CABCOCO1: variants seen among roughly 807,000 people sequenced by gnomAD.
The protein encoded by CABCOCO1 is ciliary associated calcium binding coiled-coil 1.
Under a neutral mutation model 35.7 loss-of-function variants are expected in CABCOCO1, and 28 were observed. That is an observed-to-expected ratio of 0.78 (90% CI 0.58 to 1.07). The LOEUF (loss-of-function observed/expected upper bound fraction) is 1.07, where lower values mean the gene tolerates loss of function less well. Ranked by LOEUF, CABCOCO1 falls within the 50% of genes least tolerant of loss-of-function variation. The pLI, the probability that CABCOCO1 is intolerant of heterozygous loss-of-function variation, is 0.00. For synonymous variants in CABCOCO1, 95 were observed against 100.1 expected, an observed-to-expected ratio of 0.95 and a Z score of 0.30; for missense variants, 326 against 309.2, an observed-to-expected ratio of 1.05 and a Z score of -0.41.
chr10:61,705,038 G>A (rs1241175965), intron 5 of CABCOCO1, among the ~76,000 whole-genome samples: 2 of 152,060 alleles, frequency 1.3e-5, no homozygotes, highest in Admixed American at 6.6e-5. Flanking sequence ...CTTTTGACTT[G>A]TGCAAACAAA....
intron 5 of CABCOCO1, among the ~76,000 whole-genome samples, chr10:61,707,360 T>A (rs1285289276): frequency 6.6e-6 from 1 of 152,152 alleles, no homozygotes; most frequent in East Asian, 1.9e-4. Flanking sequence ...TACAGTCAAT[T>A]AGGTTGTTGT....
Position 61,687,369 on chromosome 10 carries a change from C to G in CABCOCO1, c.479+1184C>G, listed in dbSNP as rs180847376. 7.2e-5 allele frequency among the ~76,000 whole-genome samples: 11 copies of G among 152,280 alleles called. No homozygotes were observed. In the East Asian group the frequency reaches 1.9e-3, roughly 27 times the overall value. On this transcript the variant is annotated intron_variant, in intron 4 of 7. Transcript: ENST00000648843. ...TATTCCTCAAGGTCTTTCTACCCAT[C>G]AGGGTTTGAGAATCACTGGGCAGAG... is the stretch of plus-strand genomic sequence containing the variant.
chr10:61,663,149 A>G (rs957852221), intron 1 of CABCOCO1, 117 bp downstream of exon 1: 13 of 207,788 alleles, frequency 6.3e-5, no homozygotes, highest in Non-Finnish European at 9.0e-5. Context: ...GAGGCGCCGC[A>G]CGTCTGGCCC....
chr10:61,725,401 C>T (rs1841122145), intron 5 of CABCOCO1, among the ~76,000 whole-genome samples: 1 of 152,126 alleles, frequency 6.6e-6, no homozygotes, highest in Admixed American at 6.5e-5. Flanking sequence ...AAATGTGGCG[C>T]ATATACACCA....
chr10:61,732,260 C>T (rs981947636), intron 5 of CABCOCO1, among the ~76,000 whole-genome samples: 2 of 151,992 alleles, frequency 1.3e-5, no homozygotes, highest in African/African-American at 4.8e-5. Flanking sequence ...ATTTTAATTA[C>T]TAACAAATTT....
intron 5 of CABCOCO1, among the ~76,000 whole-genome samples, chr10:61,698,638 T>G (rs1589128787): frequency 6.6e-6 from 1 of 152,154 alleles, no homozygotes; most frequent in Non-Finnish European, 1.5e-5. Flanking sequence ...TGAGCACTTA[T>G]TCCTATAGCA....
rs370169910 is a variant in CABCOCO1 at position 61,727,460 on chromosome 10, G to A, written c.553-32599G>A. Among the ~76,000 whole-genome samples the A allele has an allele frequency of 8.3e-4, 127 of 152,210 alleles. 1 individual carries two copies. The South Asian group carries it at 0.025, about 31-fold the overall frequency. On this transcript the variant is annotated intron_variant, in intron 5 of 7. Transcript: ENST00000648843. Reference sequence around the variant, plus strand: ...AGTTAATTAAAATGCATCTGAAAGAGCTCTAGAGTTCAAAGAATGTATAAT... The same window carrying A: ...AGTTAATTAAAATGCATCTGAAAGAACTCTAGAGTTCAAAGAATGTATAAT...
At chr10:61,718,293 T>C (rs1160276001) in intron 5 of CABCOCO1, among the ~76,000 whole-genome samples, 1 of 152,142 alleles carries the variant, frequency 6.6e-6, no homozygotes, top group Non-Finnish European at 1.5e-5. Flanking sequence ...TGTATGTAGG[T>C]GTTTTAATTT....
At chr10:61,741,924 T>G (rs560747114) in intron 5 of CABCOCO1, among the ~76,000 whole-genome samples, 1 of 152,366 alleles carries the variant, frequency 6.6e-6, no homozygotes, top group Non-Finnish European at 1.5e-5. Flanking sequence ...TTTTATGTAC[T>G]GATTTAGCTT....
intron 5 of CABCOCO1, among the ~76,000 whole-genome samples, chr10:61,734,579 T>C (rs1165026222): frequency 1.3e-5 from 2 of 152,086 alleles, no homozygotes; most frequent in Non-Finnish European, 2.9e-5. Context: ...GCATTTTATG[T>C]CAACAAGAAA....
intron 5 of CABCOCO1, among the ~76,000 whole-genome samples, chr10:61,738,313 A>G (rs1317193417): frequency 6.6e-6 from 1 of 152,190 alleles, no homozygotes; most frequent in Non-Finnish European, 1.5e-5. Context: ...TAGATCCCAT[A>G]AGATTTTGTG....
At chr10:61,679,229 G>A (rs1839620715) in intron 2 of CABCOCO1, among the ~76,000 whole-genome samples, 1 of 152,004 alleles carries the variant, frequency 6.6e-6, no homozygotes, top group African/African-American at 2.4e-5. Context: ...AACCAGAAGG[G>A]CAGGAGAAAA....
chr10:61,765,618 T>C (rs1589161478), intron 7 of CABCOCO1, among the ~76,000 whole-genome samples: 1 of 152,230 alleles, frequency 6.6e-6, no homozygotes, highest in African/African-American at 2.4e-5. Context: ...GCAGTTATTC[T>C]GATTCAGTGC....
intron 5 of CABCOCO1, among the ~76,000 whole-genome samples, chr10:61,754,955 T>G (rs1196675513): frequency 6.6e-6 from 1 of 152,092 alleles, no homozygotes; most frequent in African/African-American, 2.4e-5. Context: ...AAAATGTAAA[T>G]ACTGCATATT....
intron 2 of CABCOCO1, among the ~76,000 whole-genome samples, chr10:61,674,889 T>G (rs192335183): frequency 6.6e-6 from 1 of 152,124 alleles, no homozygotes; most frequent in East Asian, 1.9e-4. Flanking sequence ...CAATTTTTTT[T>G]AAAAAAGAAT....
chr10:61,682,804 C>T (rs1439148128), intron 3 of CABCOCO1, among the ~76,000 whole-genome samples: 9 of 151,322 alleles, frequency 5.9e-5, no homozygotes, highest in Admixed American at 3.3e-4. Flanking sequence ...TTCTTGAATA[C>T]GACATCAAAT....
At chr10:61,709,239 G>C (rs953532989) in intron 5 of CABCOCO1, among the ~76,000 whole-genome samples, 1 of 151,996 alleles carries the variant, frequency 6.6e-6, no homozygotes, top group Non-Finnish European at 1.5e-5. Flanking sequence ...CTCAAAAGAG[G>C]CTCCCCAAAT....
At chr10:61,698,078 T>C (rs1212235648) in intron 5 of CABCOCO1, among the ~76,000 whole-genome samples, 1 of 152,148 alleles carries the variant, frequency 6.6e-6, no homozygotes, top group Non-Finnish European at 1.5e-5. Flanking sequence ...TGGCAACACA[T>C]CAAATCTTAG....
intron 5 of CABCOCO1, among the ~76,000 whole-genome samples, chr10:61,697,835 T>C (rs1840336199): frequency 6.6e-6 from 1 of 152,092 alleles, no homozygotes; most frequent in South Asian, 2.1e-4. Context: ...AAAGGCTGCA[T>C]AGGAAAAAAT....
Sources: gnomAD v4.1 joint callset for allele counts (sites outside exome capture counted in the v4.1 genomes callset) on GRCh38, gnomAD v4.1.1 for gene constraint, MANE v1.5 for transcripts, NCBI Gene and HGNC (gene_info 2026-07-23, HGNC 2026-07-21) for gene names.